Variants in KANSL3 observed in about 807,000 individuals in gnomAD.
The protein encoded by KANSL3 is NSL complex protein NSL3.
In KANSL3, 16 loss-of-function variants were observed where a neutral mutation model predicts 89.2. That is an observed-to-expected ratio of 0.18 (90% CI 0.12 to 0.27). The LOEUF (loss-of-function observed/expected upper bound fraction) is 0.27, where lower values mean the gene tolerates loss of function less well. Among genes scored for constraint, KANSL3 ranks in the 10% least tolerant of loss-of-function variants. The pLI, the probability that KANSL3 is intolerant of heterozygous loss-of-function variation, is 1.00. For synonymous variants in KANSL3, 385 were observed against 419.7 expected, an observed-to-expected ratio of 0.92 and a Z score of 1.01; for missense variants, 879 against 1,110.6, an observed-to-expected ratio of 0.79 and a Z score of 2.96.
intron 8 of KANSL3, 24 bp from the exon 9 acceptor site, chr2:96,612,377 A>G: frequency 6.2e-7 from 1 of 1,610,408 alleles, no homozygotes; most frequent in Non-Finnish European, 8.5e-7. Context: ...GAAAGAAGAC[A>G]GTAAGACAGG....
Position 96,593,283 on chromosome 2 carries a change from A to G in KANSL3, c.*2328T>C, listed in dbSNP as rs2066336829. The G allele has an allele frequency of 2.2e-6, 1 of 455,994 alleles. No homozygotes were observed. The highest frequency in any genetic ancestry group is 4.4e-6 in the Non-Finnish European group (1 of 226,814). 28.2% of individuals were successfully genotyped at this position (455,994 alleles called of 1,614,324 possible). A position where few individuals can be genotyped will look rare whatever the true frequency, so the allele number is the denominator to read the frequency against. On this transcript the variant is annotated 3_prime_UTR_variant, in exon 21 of 21. Transcript: ENST00000431828. Reference sequence around the variant, plus strand: ...CTGTTCTAGTGGTGAAACCAAGAGTAGACAGGTCTTCCTACCTCAGTGACC... The same window carrying G: ...CTGTTCTAGTGGTGAAACCAAGAGTGGACAGGTCTTCCTACCTCAGTGACC...
intron 14 of KANSL3, chr2:96,606,220 C>T (rs2067959787): frequency 3.3e-5 from 5 of 152,450 alleles, no homozygotes; most frequent in Admixed American, 2.6e-4. Flanking sequence ...CATGTCACAA[C>T]CTAGTCCCCA....
At chr2:96,583,521 G>A in the KANSL3 span, among the ~76,000 whole-genome samples, 2 of 152,204 alleles carry the variant, frequency 1.3e-5, no homozygotes, top group Admixed American at 1.3e-4. Context: ...ATCATACCGT[G>A]TAGTCTTTTG....
downstream of KANSL3, among the ~76,000 whole-genome samples, chr2:96,588,305 C>G (rs2066254611): frequency 1.3e-5 from 2 of 152,176 alleles, no homozygotes; most frequent in Non-Finnish European, 1.5e-5. Context: ...CACTGAATAT[C>G]TCATCAGAAA....
intron 20 of KANSL3, chr2:96,598,170 G>T: frequency 1.0e-6 from 1 of 983,258 alleles, no homozygotes; most frequent in Non-Finnish European, 1.2e-6. Context: ...CCTAAAAACA[G>T]GCCCAAATGG....
intron 3 of KANSL3, chr2:96,628,637 CAG>C (rs2072836879): frequency 6.5e-6 from 1 of 153,058 alleles, no homozygotes; most frequent in African/African-American, 2.4e-5. Flanking sequence ...GTCTGGGTGA[CAG>C]AGTGAGACCC....
At chr2:96,601,264 T>A in intron 20 of KANSL3, 1 of 959,186 alleles carries the variant, frequency 1.0e-6, no homozygotes. Flanking sequence ...CAAGACTCCA[T>A]CTCAAAAAAT....
chr2:96,610,368 T>G (rs914835835), intron 11 of KANSL3: 37 of 159,958 alleles, frequency 2.3e-4, no homozygotes, highest in Admixed American at 4.4e-4. Flanking sequence ...CAGGCTGGAG[T>G]GCAGTGGCGG....
intron 12 of KANSL3, 108 bp downstream of exon 12, chr2:96,609,391 C>A (rs2068509589): frequency 1.1e-6 from 1 of 903,258 alleles, no homozygotes; most frequent in East Asian, 2.4e-5. Context: ...CTACCAGAGG[C>A]CCCAGTGGAG....
Position 96,621,297 on chromosome 2 carries a change from C to A in KANSL3, c.387-1535G>T, listed in dbSNP as rs540154509. 2.0e-5 allele frequency among the ~76,000 whole-genome samples: 3 copies of A among 152,202 alleles called. No individual in the cohort carries two copies. In the East Asian group the frequency reaches 5.8e-4, roughly 29 times the overall value. ...TTGGGAGGCCAAGGTGGGTGGATCA[C>A]GAGATCAGGAGTTCAAGACCAGCCT... On this transcript the variant is annotated intron_variant, in intron 3 of 20. Transcript: ENST00000431828.
chr2:96,583,702 T>C, the KANSL3 span, among the ~76,000 whole-genome samples: 81 of 152,364 alleles, frequency 5.3e-4, no homozygotes, highest in African/African-American at 1.9e-3. Flanking sequence ...CTATTATGAA[T>C]AAAGCTGCTA....
At chr2:96,600,787 A>T (rs2067064899) in intron 20 of KANSL3, 1 of 985,282 alleles carries the variant, frequency 1.0e-6, no homozygotes, top group Non-Finnish European at 1.2e-6. Context: ...ACTAATCATG[A>T]CTTCCTGGGT....
chr2:96,625,282 C>A (rs2072092224), intron 3 of KANSL3, among the ~76,000 whole-genome samples: 1 of 152,142 alleles, frequency 6.6e-6, no homozygotes, highest in Admixed American at 6.6e-5. Flanking sequence ...GTATAAAGGA[C>A]CTGTAGCATC....
In KANSL3 at chr2:96,612,327, G is replaced by C. The variant is rs2069151775; in HGVS notation, c.1041C>G (p.Pro347=). ...CTGTGTTCCAGCCAATCAAGATAATGGGTTTGTGTGGGAAATGGCTGTGAA... is the reference window on the plus strand; with the variant it reads ...CTGTGTTCCAGCCAATCAAGATAATCGGTTTGTGTGGGAAATGGCTGTGAA... The part of the protein sequence containing the change: ...LEIHSHFPHK[P]IILIGWNTGA... The change falls in exon 9 of 21, where the codon CCC becomes CCG. Residue 347 remains proline, a synonymous_variant. Transcript: ENST00000431828. 2 of 1,613,628 alleles carry C rather than the reference G, an allele frequency of 1.2e-6. No individual in the cohort carries two copies. Among genetic ancestry groups the C allele is most frequent in the African/African-American group, 2.7e-5 (2 of 74,878 alleles).
intron 5 of KANSL3, among the ~76,000 whole-genome samples, chr2:96,616,182 C>G (rs755673170): frequency 6.6e-6 from 1 of 152,172 alleles, no homozygotes; most frequent in Non-Finnish European, 1.5e-5. Flanking sequence ...AGGACCAAAC[C>G]GCAAAGGATA....
chr2:96,592,110 T>C (rs938995578), downstream of KANSL3, among the ~76,000 whole-genome samples: 1 of 152,154 alleles, frequency 6.6e-6, no homozygotes, highest in African/African-American at 2.4e-5. Context: ...TCGCTTGACC[T>C]GACTGCTCAA....
intron 17 of KANSL3, among the ~76,000 whole-genome samples, 197 bp from the exon 18 acceptor site, chr2:96,603,059 G>T (rs538215141): frequency 1.8e-4 from 28 of 152,314 alleles, no homozygotes; most frequent in African/African-American, 6.3e-4. Flanking sequence ...AAGGTACTGT[G>T]CCAGACACTG....
rs1344263075 is a variant in KANSL3 at position 96,613,600 on chromosome 2, C to T, written c.683G>A (p.Arg228Gln). 3.7e-6 allele frequency: 6 copies of T among 1,612,504 alleles called. No homozygotes were observed. The highest frequency in any genetic ancestry group is 1.1e-5 in the South Asian group (1 of 91,058). The change falls in exon 6 of 21, where the codon CGG becomes CAG. Residue 228 changes from arginine to glutamine, a missense_variant. Physicochemically the swap from Arg to Gln is conservative, Grantham distance 43. Coordinates refer to ENST00000431828, the MANE Select transcript of KANSL3 (RefSeq NM_001115016.3). ...CTTTGTGTTGGATGACACAAGCATC[C>T]GGTCAATCAAGGTTGGGATCTACAA... ...LKGKIPTLID[R>Q]MLVSSNTKTG...
chr2:96,600,573 C>T lies in KANSL3; in HGVS notation c.2616+1070G>A, dbSNP rs563898989. ...TATCACTGCACCTCCAGTTCACAAGCAGGTTGACATGGTGGAAAGGACAGG... is the reference window on the plus strand; with the variant it reads ...TATCACTGCACCTCCAGTTCACAAGTAGGTTGACATGGTGGAAAGGACAGG... On this transcript the variant is annotated intron_variant, in intron 20 of 20. Coordinates refer to ENST00000431828, the MANE Select transcript of KANSL3 (RefSeq NM_001115016.3). The T allele has an allele frequency of 2.1e-5, 21 of 985,290 alleles. No individual in the cohort carries two copies. In the South Asian group the frequency reaches 8.9e-4, roughly 42 times the overall value. The allele number at this position is 985,290 out of a possible 1,614,324, so 61.0% of individuals were successfully genotyped here.
Sources: allele counts gnomAD v4.1 joint callset (sites outside exome capture counted in the v4.1 genomes callset), GRCh38; gene constraint gnomAD v4.1.1; transcripts MANE v1.5; gene names NCBI Gene and HGNC (gene_info 2026-07-23, HGNC 2026-07-21).